RRM2B: variants seen among roughly 807,000 people sequenced by gnomAD.
The protein encoded by RRM2B is ribonucleotide reductase regulatory TP53 inducible subunit M2B, also known as ribonucleoside-diphosphate reductase subunit M2 B.
RRM2B carries 20 observed loss-of-function variants against 45.9 expected under a neutral mutation model. The ratio of observed to expected loss-of-function variants is 0.44; its 90% CI spans 0.31 to 0.63. The LOEUF (loss-of-function observed/expected upper bound fraction) is 0.63. RRM2B is among the 30% of genes least tolerant of loss of function. The pLI is 0.09. For synonymous variants in RRM2B, 124 were observed against 132.3 expected, an observed-to-expected ratio of 0.94 and a Z score of 0.43; for missense variants, 320 against 414.7, an observed-to-expected ratio of 0.77 and a Z score of 1.98.
intron 5 of RRM2B, among the ~76,000 whole-genome samples, chr8:102,220,584 G>A (rs927417852): frequency 6.6e-6 from 1 of 152,076 alleles, no homozygotes. Context: ...GACTACAGGC[G>A]TGCGTCACCA....
chr8:102,238,313 AT>A, intron 1 of RRM2B: 1 of 338,394 alleles, frequency 3.0e-6, no homozygotes, highest in South Asian at 2.4e-5. Context: ...TCCTACCCTG[AT>A]TTTTTCACTG....
intron 1 of RRM2B, among the ~76,000 whole-genome samples, chr8:102,232,877 G>A (rs568632055): frequency 4.9e-4 from 75 of 152,244 alleles, no homozygotes; most frequent in Admixed American, 9.8e-4. Context: ...ATTTGTTACT[G>A]CTATTTACAT....
In RRM2B at chr8:102,223,771, CTT is replaced by C. The variant is rs200564582; in HGVS notation, c.550+273_550+274del. On this transcript the variant is annotated intron_variant, in intron 5 of 8. Coordinates refer to ENST00000251810, the MANE Select transcript of RRM2B (RefSeq NM_015713.5). ...ACAAACTGTGAATTGCTATAATACT[CTT>C]GTTATTGCTATGTGACTGACTCCTG... Among the ~76,000 whole-genome samples the C allele has an allele frequency of 6.8e-3, 1,032 of 151,720 alleles. 4 individuals are homozygous for C. The highest frequency in any genetic ancestry group is 0.017 in the Middle Eastern group (5 of 292).
chr8:102,226,879 A>T (rs1810941872), intron 2 of RRM2B, among the ~76,000 whole-genome samples: 1 of 152,026 alleles, frequency 6.6e-6, no homozygotes, highest in Admixed American at 6.6e-5. Context: ...ATGCCCAGCT[A>T]ATTATTTGTA....
Position 102,225,915 on chromosome 8 carries a change from TA to T in RRM2B, c.321+2del. ...CAAAAGTTAAATCAAGCAAAAATCT[TA>T]CCAAATTTTCATTTACAATTCCATC... is the stretch of plus-strand genomic sequence containing the variant. On this transcript the variant is annotated splice_donor_variant, in intron 3 of 8. Coordinates refer to ENST00000251810, the MANE Select transcript of RRM2B (RefSeq NM_015713.5). LOFTEE classifies it high-confidence loss of function. 1 of 1,537,032 alleles carries T rather than the reference TA, an allele frequency of 6.5e-7. No individual in the cohort carries two copies. The highest frequency in any genetic ancestry group is 9.0e-7 in the Non-Finnish European group (1 of 1,110,282).
At chr8:102,224,598 A>G (rs1810894966) in intron 4 of RRM2B, among the ~76,000 whole-genome samples, 2 of 152,242 alleles carry the variant, frequency 1.3e-5, no homozygotes, top group African/African-American at 4.8e-5. Flanking sequence ...TAAAACTCAA[A>G]TTATTGGTTT....
chr8:102,231,473 A>G (rs186596380), intron 2 of RRM2B, among the ~76,000 whole-genome samples: 142 of 152,244 alleles, frequency 9.3e-4, no homozygotes, highest in African/African-American at 3.3e-3. Context: ...TACAGCTTTC[A>G]CTCATTTTTT....
intron 1 of RRM2B, 21 bp downstream of exon 1, chr8:102,238,806 A>T (rs72554092): frequency 6.2e-7 from 1 of 1,613,768 alleles, no homozygotes; most frequent in Admixed American, 1.7e-5. Context: ...GTGAGGGGGA[A>T]GACGCAACAG....
intron 2 of RRM2B, among the ~76,000 whole-genome samples, chr8:102,228,984 G>A (rs958403086): frequency 6.6e-6 from 1 of 152,168 alleles, no homozygotes; most frequent in African/African-American, 2.4e-5. Context: ...GGCTGGGCAC[G>A]GTAGCTCACG....
Position 102,205,912 on chromosome 8 carries a change from G to C in RRM2B, c.*2221C>G. 6.6e-6 allele frequency: 1 copy of C among 151,074 alleles called. No individual in the cohort carries two copies. The highest frequency in any genetic ancestry group is 1.5e-5 in the Non-Finnish European group (1 of 67,434). The allele number at this position is 151,074 out of a possible 1,614,324, so 9.4% of individuals were successfully genotyped here. ...GACTTCTTCATCCAAATCCAGTTAG[G>C]TTTATTGCTATTATAAATAAGCTTC... On this transcript the variant is annotated 3_prime_UTR_variant, in exon 9 of 9. Coordinates refer to ENST00000251810, the MANE Select transcript of RRM2B (RefSeq NM_015713.5).
At chr8:102,237,854 A>C (rs576136331) in intron 1 of RRM2B, among the ~76,000 whole-genome samples, 1 of 152,240 alleles carries the variant, frequency 6.6e-6, no homozygotes, top group Non-Finnish European at 1.5e-5. Context: ...TAAAATCTCA[A>C]ACCTGGAATC....
intron 6 of RRM2B, among the ~76,000 whole-genome samples, chr8:102,217,639 G>C (rs1810753087): frequency 6.6e-6 from 1 of 152,114 alleles, no homozygotes; most frequent in Non-Finnish European, 1.5e-5. Context: ...ATAAAACAAA[G>C]TCCCTGCACT....
intron 6 of RRM2B, 187 bp from the exon 7 acceptor site, chr8:102,214,345 A>G: frequency 4.9e-6 from 3 of 607,112 alleles, no homozygotes; most frequent in Non-Finnish European, 8.9e-6. Context: ...ACAATAACCT[A>G]TAATAAAAAT....
Position 102,218,908 on chromosome 8 carries a change from A to G in RRM2B, c.590T>C (p.Phe197Ser). 6.2e-7 allele frequency: 1 copy of G among 1,613,072 alleles called. No homozygotes were observed. The highest frequency in any genetic ancestry group is 8.5e-7 in the Non-Finnish European group (1 of 1,179,206). The change falls in exon 6 of 9, where the codon TTC becomes TCC. Residue 197 changes from phenylalanine (F) to serine (S), a missense_variant. Phe to Ser is a radical substitution (Grantham distance 155, BLOSUM62 -2). Coordinates refer to ENST00000251810, the MANE Select transcript of RRM2B (RefSeq NM_015713.5). ...TATAGCAGCAAAAGATCCTGAGAAG[A>G]AAACTCCTTCTACAGCAGCAAAGGC... is the stretch of plus-strand genomic sequence containing the variant. ...VVAFAAVEGV[F>S]FSGSFAAIFW...
At chr8:102,227,351 G>A (rs1302955259) in intron 2 of RRM2B, among the ~76,000 whole-genome samples, 1 of 151,962 alleles carries the variant, frequency 6.6e-6, no homozygotes, top group Non-Finnish European at 1.5e-5. Flanking sequence ...AGTCTGGAGT[G>A]CGGTGGCACA....
At chr8:102,233,889 T>G (rs574996059) in intron 1 of RRM2B, among the ~76,000 whole-genome samples, 5 of 152,186 alleles carry the variant, frequency 3.3e-5, no homozygotes, top group Admixed American at 3.3e-4. Context: ...AGTGTGATCA[T>G]AGATCACTGC....
intron 2 of RRM2B, among the ~76,000 whole-genome samples, chr8:102,229,659 A>G (rs566321763): frequency 1.2e-4 from 18 of 152,058 alleles, no homozygotes; most frequent in Non-Finnish European, 2.1e-4. Flanking sequence ...ATCTGGGCTC[A>G]CTGCAGCCTC....
intron 5 of RRM2B, among the ~76,000 whole-genome samples, chr8:102,219,290 A>G (rs1405105704): frequency 6.6e-6 from 1 of 151,928 alleles, no homozygotes; most frequent in African/African-American, 2.4e-5. Context: ...ATGTATACAT[A>G]TGTGTGTGTG....
intron 6 of RRM2B, among the ~76,000 whole-genome samples, chr8:102,217,014 A>G (rs2132547906): frequency 6.6e-6 from 1 of 152,164 alleles, no homozygotes; most frequent in South Asian, 2.1e-4. Flanking sequence ...AAATAATATA[A>G]AGGGAGGACA....
Sources: gnomAD v4.1 joint callset for allele counts (sites outside exome capture counted in the v4.1 genomes callset) on GRCh38, gnomAD v4.1.1 for gene constraint, MANE v1.5 for transcripts, NCBI Gene and HGNC (gene_info 2026-07-23, HGNC 2026-07-21) for gene names.